ERI1: variants seen among roughly 807,000 people sequenced by gnomAD.
ERI1 encodes exoribonuclease 1.
A neutral mutation model predicts 39.7 loss-of-function variants in ERI1; 39 were observed. That is an observed-to-expected ratio of 0.98 (90% CI 0.76 to 1.28). ERI1 has a LOEUF of 1.28. ERI1 is among the 50% of genes most tolerant of loss of function. ERI1 has a pLI of 0.00. For synonymous variants in ERI1, 204 were observed against 149.6 expected (o/e 1.36, Z -2.65); for missense variants, 581 against 416.9 (o/e 1.39, Z -3.43).
At chr8:9,052,749 G>A (rs1798399584) in intron 3 of ERI1, among the ~76,000 whole-genome samples, 1 of 152,194 alleles carries the variant, frequency 6.6e-6, no homozygotes, top group Admixed American at 6.6e-5. Context: ...CTGGCACTGA[G>A]CATCAAAGAC....
intron 3 of ERI1, among the ~76,000 whole-genome samples, chr8:9,061,691 G>T (rs1470460222): frequency 2.0e-5 from 3 of 152,204 alleles, no homozygotes; most frequent in Non-Finnish European, 4.4e-5. Context: ...TGGGAGATTA[G>T]CCAGACATGA....
downstream of ERI1, among the ~76,000 whole-genome samples, chr8:9,037,166 T>A (rs1024790875): frequency 3.9e-5 from 6 of 152,216 alleles, no homozygotes; most frequent in Non-Finnish European, 8.8e-5. Context: ...GGGATAAAAC[T>A]CAGCTCTCTG....
intron 2 of ERI1, among the ~76,000 whole-genome samples, chr8:9,008,387 A>G (rs1370388290): frequency 6.6e-6 from 1 of 152,182 alleles, no homozygotes; most frequent in Non-Finnish European, 1.5e-5. Flanking sequence ...GGCAATGTAT[A>G]GGAGTCTCTG....
At chr8:9,022,068 C>G (rs370500948) in intron 6 of ERI1, among the ~76,000 whole-genome samples, 1 of 151,844 alleles carries the variant, frequency 6.6e-6, no homozygotes, top group South Asian at 2.1e-4. Flanking sequence ...CTAGATAATA[C>G]AAAAATAGTT....
At chr8:9,051,983 C>T (rs1225882320) in intron 3 of ERI1, among the ~76,000 whole-genome samples, 2 of 152,212 alleles carry the variant, frequency 1.3e-5, no homozygotes, top group Non-Finnish European at 2.9e-5. Context: ...AATAAGTGAC[C>T]TTGCTCTGTT....
At chr8:9,095,924 G>A (rs748701760) in intron 3 of ERI1, among the ~76,000 whole-genome samples, 1 of 152,148 alleles carries the variant, frequency 6.6e-6, no homozygotes, top group Non-Finnish European at 1.5e-5. Context: ...TGTTTCGGGA[G>A]CCCTCGCCGC....
intron 6 of ERI1, among the ~76,000 whole-genome samples, chr8:9,020,794 G>C (rs188690105): frequency 1.3e-5 from 2 of 152,136 alleles, no homozygotes; most frequent in Admixed American, 1.3e-4. Flanking sequence ...TGCGTGTGCC[G>C]TGTAAATGTT....
intron 3 of ERI1, among the ~76,000 whole-genome samples, chr8:9,015,515 G>A (rs1382062291): frequency 1.3e-5 from 2 of 151,896 alleles, no homozygotes; most frequent in Admixed American, 6.6e-5. Context: ...CGTGTCAGGA[G>A]ATCGAGACCA....
chr8:9,072,953 C>T (rs1454039034), intron 3 of ERI1, among the ~76,000 whole-genome samples: 7 of 152,232 alleles, frequency 4.6e-5, no homozygotes. Context: ...CTCTGAAATA[C>T]AAAAACATTT....
intron 3 of ERI1, among the ~76,000 whole-genome samples, chr8:9,012,269 G>T (rs955738142): frequency 6.6e-6 from 1 of 152,150 alleles, no homozygotes. Flanking sequence ...AGGGTGAAAT[G>T]ACTCATATAA....
intron 3 of ERI1, among the ~76,000 whole-genome samples, chr8:9,085,265 A>G (rs983496197): frequency 3.3e-5 from 5 of 152,032 alleles, no homozygotes; most frequent in South Asian, 2.1e-4. Flanking sequence ...CTGGAGTGCA[A>G]TGACATGGTC....
chr8:9,040,012 TTTG>T (rs1435965789), intron 3 of ERI1, among the ~76,000 whole-genome samples: 13 of 152,328 alleles, frequency 8.5e-5, no homozygotes, highest in South Asian at 4.1e-4. Flanking sequence ...CTAAACTCTT[TTTG>T]TTTTGACTGT....
chr8:9,067,966 A>T (rs933089194), intron 3 of ERI1, among the ~76,000 whole-genome samples: 1 of 152,084 alleles, frequency 6.6e-6, no homozygotes, highest in East Asian at 1.9e-4. Flanking sequence ...ACACACACAA[A>T]TATTATATAA....
At chr8:9,020,584 C>A (rs957618411) in intron 6 of ERI1, 120 bp downstream of exon 6, 1 of 616,848 alleles carries the variant, frequency 1.6e-6, no homozygotes, top group Non-Finnish European at 2.7e-6. Context: ...ATAATTAGTT[C>A]TTACTCTTCA....
intron 6 of ERI1, among the ~76,000 whole-genome samples, chr8:9,026,856 G>T (rs915768868): frequency 2.9e-5 from 4 of 135,646 alleles, no homozygotes; most frequent in Non-Finnish European, 6.6e-5. Flanking sequence ...CCTGTACCAC[G>T]TTAAAAAAAA....
At chr8:9,067,977 C>A (rs536877919) in intron 3 of ERI1, among the ~76,000 whole-genome samples, 1 of 151,902 alleles carries the variant, frequency 6.6e-6, no homozygotes, top group African/African-American at 2.4e-5. Context: ...TATTATATAA[C>A]ATTCTTTCCT....
intron 6 of ERI1, among the ~76,000 whole-genome samples, chr8:9,029,004 T>C (rs957228898): frequency 6.9e-6 from 1 of 144,942 alleles, no homozygotes; most frequent in African/African-American, 2.6e-5. Flanking sequence ...TTTTAACTTA[T>C]CAAGGAACAG....
At chr8:9,037,266 A>G (rs1306962978), downstream of ERI1, among the ~76,000 whole-genome samples, 1 of 152,096 alleles carries the variant, frequency 6.6e-6, no homozygotes, top group African/African-American at 2.4e-5. Flanking sequence ...TCCCCTCACC[A>G]TCACACTCGC....
intron 3 of ERI1, among the ~76,000 whole-genome samples, chr8:9,079,292 A>G (rs1170190930): frequency 6.6e-6 from 1 of 152,228 alleles, no homozygotes; most frequent in Non-Finnish European, 1.5e-5. Context: ...GTAAGCCCTG[A>G]TCTCCGGAGA....
Sources: allele counts gnomAD v4.1 joint callset (sites outside exome capture counted in the v4.1 genomes callset), GRCh38; gene constraint gnomAD v4.1.1; transcripts MANE v1.5; gene names NCBI Gene and HGNC (gene_info 2026-07-23, HGNC 2026-07-21).